The following LRRIQ3 variants were observed in gnomAD, a reference collection of about 807,000 sequenced individuals.
LRRIQ3 encodes leucine-rich repeat and IQ domain-containing protein 3.
Under a neutral mutation model 59.3 loss-of-function variants are expected in LRRIQ3, and 75 were observed. That is an observed-to-expected ratio of 1.26 (90% CI 1.05 to 1.53). The LOEUF (loss-of-function observed/expected upper bound fraction) is 1.53, where lower values mean the gene tolerates loss of function less well. Ranked by LOEUF, LRRIQ3 falls within the 40% of genes most tolerant of loss-of-function variation. The pLI is 0.00. For synonymous variants in LRRIQ3, 250 were observed against 231.3 expected (o/e 1.08, Z -0.73); for missense variants, 831 against 710.0 (o/e 1.17, Z -1.94).
intron 5 of LRRIQ3, among the ~76,000 whole-genome samples, chr1:74,097,181 G>A (rs1646461185): frequency 6.6e-6 from 1 of 152,110 alleles, no homozygotes; most frequent in African/African-American, 2.4e-5. Context: ...TAGATGAATG[G>A]CTTACTAGAA....
At chr1:74,188,858 C>A (rs76894627) in intron 1 of LRRIQ3, among the ~76,000 whole-genome samples, 1 of 152,134 alleles carries the variant, frequency 6.6e-6, no homozygotes, top group Non-Finnish European at 1.5e-5. Flanking sequence ...CGGTAGAAAT[C>A]TATTGTAAAT....
chr1:74,086,147 T>C (rs1408870288), intron 5 of LRRIQ3, among the ~76,000 whole-genome samples: 1 of 152,090 alleles, frequency 6.6e-6, no homozygotes, highest in African/African-American at 2.4e-5. Context: ...ATAATGCTGG[T>C]AGTTAGGTTT....
intron 7 of LRRIQ3, among the ~76,000 whole-genome samples, chr1:74,032,285 A>G (rs1349002408): frequency 6.6e-6 from 1 of 152,000 alleles, no homozygotes; most frequent in Non-Finnish European, 1.5e-5. Context: ...GTTGGAATCT[A>G]TTTTTCATTC....
At chr1:74,031,621 G>A (rs575932271) in intron 7 of LRRIQ3, among the ~76,000 whole-genome samples, 1 of 140,374 alleles carries the variant, frequency 7.1e-6, no homozygotes, top group Middle Eastern at 3.8e-3. Flanking sequence ...GTGGGGTGAG[G>A]GGAGGGGGGA....
intron 6 of LRRIQ3, chr1:74,050,406 C>A: frequency 2.1e-6 from 1 of 478,372 alleles, no homozygotes; most frequent in Non-Finnish European, 2.7e-6. Flanking sequence ...ATATGTACCT[C>A]TCAACTTAAG....
intron 6 of LRRIQ3, among the ~76,000 whole-genome samples, chr1:74,062,988 A>G (rs1377840777): frequency 6.6e-6 from 1 of 152,108 alleles, no homozygotes; most frequent in East Asian, 1.9e-4. Flanking sequence ...CTAAAATAGA[A>G]GTTAAAAATA....
chr1:74,105,958 G>C (rs995095742), intron 5 of LRRIQ3, among the ~76,000 whole-genome samples: 1 of 151,944 alleles, frequency 6.6e-6, no homozygotes, highest in African/African-American at 2.4e-5. Flanking sequence ...TAGAGTACAA[G>C]ATGTGAACAT....
chr1:74,033,871 T>G lies in LRRIQ3; in HGVS notation c.1719-6902A>C, dbSNP rs187112658. Among the ~76,000 whole-genome samples the G allele has an allele frequency of 1.2e-3, 181 of 152,094 alleles. 1 individual carries two copies. The highest frequency in any genetic ancestry group is 4.3e-3 in the African/African-American group (179 of 41,554). On this transcript the variant is annotated intron_variant, in intron 7 of 7. Transcript: ENST00000354431. ...TCTTCCATGCTAAGTGATACCCTAC[T>G]TCAAAATGGACACCCTGCTCTCCTG...
intron 5 of LRRIQ3, among the ~76,000 whole-genome samples, chr1:74,090,781 C>G (rs1391469041): frequency 1.3e-5 from 2 of 151,924 alleles, no homozygotes; most frequent in Non-Finnish European, 2.9e-5. Context: ...GTATTACCAA[C>G]TACTAGAGAG....
At chr1:74,084,795 T>A (rs1251018982) in intron 5 of LRRIQ3, among the ~76,000 whole-genome samples, 1 of 151,814 alleles carries the variant, frequency 6.6e-6, no homozygotes, top group Admixed American at 6.6e-5. Flanking sequence ...TTTTCTTTAA[T>A]AACCCTTAAG....
At chr1:74,087,945 A>G (rs1265766391) in intron 5 of LRRIQ3, among the ~76,000 whole-genome samples, 2 of 151,800 alleles carry the variant, frequency 1.3e-5, no homozygotes, top group Non-Finnish European at 2.9e-5. Context: ...AAAAATACAA[A>G]CATTAGCTGG....
intron 6 of LRRIQ3, among the ~76,000 whole-genome samples, chr1:74,044,370 T>C (rs753133487): frequency 1.3e-4 from 19 of 151,834 alleles, no homozygotes; most frequent in African/African-American, 4.4e-4. Context: ...AATGAGAGAG[T>C]TCCTGTTATG....
intron 2 of LRRIQ3, 30 bp downstream of exon 2, chr1:74,183,406 A>C: frequency 6.6e-7 from 1 of 1,508,802 alleles, no homozygotes; most frequent in Non-Finnish European, 8.9e-7. Flanking sequence ...TTTCGTTTAT[A>C]TGCAAATATC....
At position 74,150,521 on chromosome 1, in the gene LRRIQ3, T is replaced by C. The variant is rs557476114; in HGVS notation, c.707+5212A>G. ...ACTATTTTGCTATTATTTTCCAATA[T>C]GTATATTAATGTATTTTAATCATAT... On this transcript the variant is annotated intron_variant, in intron 4 of 7. Transcript: ENST00000354431. Among the ~76,000 whole-genome samples, 14 of 152,296 alleles carry C rather than the reference T, an allele frequency of 9.2e-5. No individual in the cohort carries two copies. In the South Asian group the frequency reaches 2.9e-3, roughly 32 times the overall value.
chr1:74,035,222 C>T (rs1410463766), intron 7 of LRRIQ3, among the ~76,000 whole-genome samples: 3 of 152,028 alleles, frequency 2.0e-5, no homozygotes, highest in African/African-American at 4.8e-5. Flanking sequence ...ACTAGTTTTG[C>T]ACCTATCTGT....
intron 4 of LRRIQ3, among the ~76,000 whole-genome samples, chr1:74,129,349 C>T (rs1035221675): frequency 6.6e-6 from 1 of 152,010 alleles, no homozygotes; most frequent in African/African-American, 2.4e-5. Context: ...AAGTCTCTCC[C>T]TGTAACTATC....
chr1:74,110,355 A>G (rs777682654), intron 4 of LRRIQ3, among the ~76,000 whole-genome samples: 58 of 152,130 alleles, frequency 3.8e-4, no homozygotes, highest in Admixed American at 7.2e-4. Context: ...AAAAGAATCT[A>G]GTAATGTAAG....
intron 4 of LRRIQ3, among the ~76,000 whole-genome samples, chr1:74,152,966 C>T (rs1648083158): frequency 6.6e-6 from 1 of 152,074 alleles, no homozygotes; most frequent in Admixed American, 6.5e-5. Context: ...AATGTTTCAT[C>T]TGTAAAACAG....
intron 4 of LRRIQ3, among the ~76,000 whole-genome samples, chr1:74,118,237 G>A (rs904016613): frequency 2.0e-5 from 3 of 151,948 alleles, no homozygotes; most frequent in Non-Finnish European, 2.9e-5. Context: ...CCATTGCACA[G>A]GCACCTACCC....
Sources: allele counts gnomAD v4.1 joint callset (sites outside exome capture counted in the v4.1 genomes callset), GRCh38; gene constraint gnomAD v4.1.1; transcripts MANE v1.5; gene names NCBI Gene and HGNC (gene_info 2026-07-23, HGNC 2026-07-21).